Variants in ATP6V0A4 observed in about 807,000 individuals in gnomAD.
ATP6V0A4 encodes ATPase H+ transporting V0 subunit a4, also known as V-type proton ATPase 116 kDa subunit a 4.
Under a neutral mutation model 107.3 loss-of-function variants are expected in ATP6V0A4, and 86 were observed. The ratio of observed to expected loss-of-function variants is 0.80; its 90% CI spans 0.67 to 0.96. The LOEUF (loss-of-function observed/expected upper bound fraction) is 0.96. Ranked by LOEUF, ATP6V0A4 falls within the 40% of genes least tolerant of loss-of-function variation. ATP6V0A4 has a pLI of 0.00. For synonymous variants in ATP6V0A4, 353 were observed against 381.4 expected (o/e 0.93, Z 0.87); for missense variants, 908 against 1,045.6 (o/e 0.87, Z 1.81).
chr7:138,770,966 T>G (rs1424135444), intron 3 of ATP6V0A4, among the ~76,000 whole-genome samples, 165 bp downstream of exon 3: 3 of 14,500 alleles, frequency 2.1e-4, no homozygotes, highest in African/African-American at 6.6e-4. Context: ...TGCCTGGTCA[T>G]GACAAATCCT....
chr7:138,756,680 A>G, intron 8 of ATP6V0A4, 140 bp from the exon 9 acceptor site: 1 of 1,164,930 alleles, frequency 8.6e-7, no homozygotes. Context: ...TTCCTAGTTC[A>G]TCTAAGTTCA....
chr7:138,718,689 T>A (rs1291209048), intron 19 of ATP6V0A4, among the ~76,000 whole-genome samples: 1 of 109,408 alleles, frequency 9.1e-6, no homozygotes, highest in African/African-American at 3.5e-5. Context: ...GGGGGGGGGG[T>A]GCAGTCACGG....
In ATP6V0A4 at chr7:138,758,578, C is replaced by T. The variant is rs530315409; in HGVS notation, c.639+1174G>A. Among the ~76,000 whole-genome samples, 3 of 152,088 alleles carry T rather than the reference C, an allele frequency of 2.0e-5. No homozygotes were observed. The East Asian group carries it at 5.8e-4, about 29-fold the overall frequency. On this transcript the variant is annotated intron_variant, in intron 8 of 21. Coordinates refer to ENST00000310018, the MANE Select transcript of ATP6V0A4 (RefSeq NM_020632.3). ...AACTGGAAGGTGAGACAGCAACATC[C>T]GACAGAATTCACAGCAACAACTGTA...
At chr7:138,745,528 T>C (rs941557890) in intron 13 of ATP6V0A4, among the ~76,000 whole-genome samples, 9 of 151,532 alleles carry the variant, frequency 5.9e-5, no homozygotes, top group African/African-American at 2.2e-4. Flanking sequence ...TAGGCAAAAA[T>C]TAGCTGGGCG....
chr7:138,749,457 G>C (rs114455495), intron 11 of ATP6V0A4, 140 bp from the exon 12 acceptor site: 2 of 863,304 alleles, frequency 2.3e-6, no homozygotes, highest in African/African-American at 3.4e-5. Flanking sequence ...TGAGACTCAC[G>C]ACCTTATGTG....
At chr7:138,758,827 T>G (rs1163008010) in intron 8 of ATP6V0A4, among the ~76,000 whole-genome samples, 2 of 130,208 alleles carry the variant, frequency 1.5e-5, no homozygotes, top group African/African-American at 2.9e-5. Flanking sequence ...CTCAGCTCAC[T>G]GCAACCTCCG....
intron 2 of ATP6V0A4, among the ~76,000 whole-genome samples, chr7:138,785,320 G>C (rs935983634): frequency 4.8e-5 from 7 of 144,482 alleles, no homozygotes; most frequent in African/African-American, 1.8e-4. Context: ...CTGTCGCCCA[G>C]TCTGGAGTGT....
At chr7:138,776,209 G>A (rs987719366) in intron 2 of ATP6V0A4, among the ~76,000 whole-genome samples, 1 of 152,188 alleles carries the variant, frequency 6.6e-6, no homozygotes, top group African/African-American at 2.4e-5. Context: ...TCAAACTTTA[G>A]GCTGGGAAGC....
intron 2 of ATP6V0A4, among the ~76,000 whole-genome samples, chr7:138,778,430 A>C (rs1042238839): frequency 3.1e-4 from 2 of 6,398 alleles, no homozygotes; most frequent in Non-Finnish European, 0.071. Flanking sequence ...ATCTCATTTT[A>C]TATATATATA....
chr7:138,745,312 C>T (rs375885857), intron 13 of ATP6V0A4, 32 bp from the exon 14 acceptor site: 60 of 1,613,110 alleles, frequency 3.7e-5, no homozygotes, highest in Non-Finnish European at 4.5e-5. Flanking sequence ...GGATGATTGT[C>T]AGTGGGCTCT....
At chr7:138,739,803 C>T in intron 14 of ATP6V0A4, 170 bp from the exon 15 acceptor site, 1 of 723,424 alleles carries the variant, frequency 1.4e-6, no homozygotes, top group Non-Finnish European at 1.7e-6. Flanking sequence ...AACACTGAGG[C>T]TACAATCTGA....
Position 138,718,201 on chromosome 7 carries a change from G to GGTGTGTGT in ATP6V0A4, c.2140-2328_2140-2321dup, listed in dbSNP as rs745612469. On this transcript the variant is annotated intron_variant, in intron 19 of 21. Coordinates refer to ENST00000310018, the MANE Select transcript of ATP6V0A4 (RefSeq NM_020632.3). Reference sequence around the variant, plus strand: ...GGAGGGAGACGTCCAGGAAGGAATGGGTGTGTGTGTGTGTGTGTGTGTGTG... The same window carrying GGTGTGTGT: ...GGAGGGAGACGTCCAGGAAGGAATGGGTGTGTGTGTGTGTGTGTGTGTGTGTGTGTGTG... Among the ~76,000 whole-genome samples the GGTGTGTGT allele has an allele frequency of 2.9e-3, 130 of 45,528 alleles. 24 individuals carry two copies. Among genetic ancestry groups the GGTGTGTGT allele is most frequent in the African/African-American group, 8.0e-3 (58 of 7,252 alleles). The allele number at this position is 45,528 out of a possible 152,430, so 29.9% of individuals were successfully genotyped here. A position where few individuals can be genotyped will look rare whatever the true frequency, so the allele number is the denominator to read the frequency against.
chr7:138,747,552 A>T lies in ATP6V0A4; in HGVS notation c.1193T>A (p.Ile398Asn). 2 of 1,614,066 alleles carry T rather than the reference A, an allele frequency of 1.2e-6. No individual in the cohort carries two copies. The highest frequency in any genetic ancestry group is 1.7e-6 in the Non-Finnish European group (2 of 1,180,010). Residue 398 changes from isoleucine (I) to asparagine (N), a missense_variant, in exon 13 of 22, where the codon ATC becomes AAC. Transcript: ENST00000310018. ...AGCGAACAGGAAGGGGAAAGTGATG[A>T]TGGTGTAGGGGGCTGCGGAGGGGAG... ...YREINPAPYT[I>N]ITFPFLFAVM...
chr7:138,794,630 T>C (rs1237376678), intron 1 of ATP6V0A4, among the ~76,000 whole-genome samples: 4 of 151,782 alleles, frequency 2.6e-5, no homozygotes, highest in Admixed American at 1.3e-4. Context: ...TAAAATAGTG[T>C]GTGTAACCAA....
chr7:138,728,300 G>T (rs954123408), intron 18 of ATP6V0A4, among the ~76,000 whole-genome samples: 2 of 151,202 alleles, frequency 1.3e-5, no homozygotes, highest in African/African-American at 4.9e-5. Flanking sequence ...TCGGCTCACC[G>T]CAATCTCCCC....
intron 17 of ATP6V0A4, among the ~76,000 whole-genome samples, chr7:138,730,444 T>G (rs528366647): frequency 4.6e-5 from 7 of 151,994 alleles, no homozygotes; most frequent in African/African-American, 1.7e-4. Flanking sequence ...CTTTATTAAC[T>G]TGTATTGCCT....
intron 7 of ATP6V0A4, among the ~76,000 whole-genome samples, chr7:138,760,630 C>T (rs922560432): frequency 6.6e-6 from 1 of 152,006 alleles, no homozygotes; most frequent in Non-Finnish European, 1.5e-5. Flanking sequence ...TAACTGCTGA[C>T]CCAAACTTCT....
intron 20 of ATP6V0A4, among the ~76,000 whole-genome samples, chr7:138,710,022 T>C (rs1208953546): frequency 2.0e-5 from 3 of 151,664 alleles, no homozygotes; most frequent in Non-Finnish European, 4.4e-5. Flanking sequence ...CCCAGATTAT[T>C]ATTATTTTAT....
chr7:138,788,775 C>T (rs1584954082), intron 1 of ATP6V0A4, among the ~76,000 whole-genome samples: 1 of 152,162 alleles, frequency 6.6e-6, no homozygotes, highest in Non-Finnish European at 1.5e-5. Context: ...CTCACAAGAT[C>T]TGATGGTTTT....
Sources: gnomAD v4.1 joint callset for allele counts (sites outside exome capture counted in the v4.1 genomes callset) on GRCh38, gnomAD v4.1.1 for gene constraint, MANE v1.5 for transcripts, NCBI Gene and HGNC (gene_info 2026-07-23, HGNC 2026-07-21) for gene names.